ZNF662: variants seen among roughly 807,000 people sequenced by gnomAD.
ZNF662 encodes the protein zinc finger protein 662.
ZNF662 carries 14 observed loss-of-function variants against 12.4 expected under a neutral mutation model. The ratio of observed to expected loss-of-function variants is 1.13; its 90% confidence interval spans 0.75 to 1.77. ZNF662 has a LOEUF of 1.77. ZNF662 is among the 40% of genes most tolerant of loss of function. The pLI is 0.00. For synonymous variants in ZNF662, 184 were observed against 176.4 expected (o/e 1.04, Z -0.34); for missense variants, 550 against 515.6 (o/e 1.07, Z -0.65).
rs1011269042 is a variant in ZNF662, at chr3:42,906,179, C to T, written c.-94+11C>T. ...GCTGGGGCCTGGCGGGTGTGGAGCA[C>T]GGGGAGTCGGGCGTGGGGCGGGCAG... is the stretch of plus-strand genomic sequence containing the variant. On this transcript the variant is annotated intron_variant, in intron 1 of 4. Transcript: ENST00000440367. The surrounding 1 kb of genome is among the most constrained non-coding windows in gnomAD (Gnocchi z 4.4). The T allele has an allele frequency of 2.4e-5, 14 of 584,470 alleles. No homozygotes were observed. In the African/African-American group the frequency reaches 2.8e-4, roughly 12 times the overall value. 36.2% of individuals were successfully genotyped at this position (584,470 alleles called of 1,614,324 possible).
At chr3:42,911,481 G>A (rs2088789170) in intron 3 of ZNF662, among the ~76,000 whole-genome samples, 1 of 152,050 alleles carries the variant, frequency 6.6e-6, no homozygotes, top group South Asian at 2.1e-4. Context: ...TTTGCTTTAG[G>A]TAGAAAACCA....
intron 3 of ZNF662, 100 bp from the exon 4 acceptor site, chr3:42,913,101 C>A: frequency 2.5e-6 from 2 of 789,088 alleles, no homozygotes; most frequent in Non-Finnish European, 4.3e-6. Context: ...ATCTTTTCAC[C>A]CACCTTTATT....
At position 42,906,448 on chromosome 3, in the gene ZNF662, GC is replaced by G; in HGVS notation, c.-94+281del. Reference sequence around the variant, plus strand: ...GCTGCCCCGGGCGCGCCGGGTGAGTGCGGGGCCGGAGCCTGGAAGCAGTCTT... The same window carrying G: ...GCTGCCCCGGGCGCGCCGGGTGAGTGGGGGCCGGAGCCTGGAAGCAGTCTT... On this transcript the variant is annotated intron_variant, in intron 1 of 4. Transcript: ENST00000440367. This position sits in a 1 kb window ranked among gnomAD's most constrained non-coding sequence, Gnocchi z 4.4. 1 of 1,441,318 alleles carries G rather than the reference GC, an allele frequency of 6.9e-7. No homozygotes were observed. Among genetic ancestry groups the G allele is most frequent in the Admixed American group, 2.7e-5 (1 of 37,608 alleles). The allele number at this position is 1,441,318 out of a possible 1,614,324, so 89.3% of individuals were successfully genotyped here.
In ZNF662 at chr3:42,917,164, C is replaced by G. The variant is rs1227577492; in HGVS notation, c.*1810C>G. Reference sequence around the variant, plus strand: ...TTTCCATCATCTCTTCCCCTTCTCTCTGGGAACAGTTACCCGGGTATTCTT... The same window carrying G: ...TTTCCATCATCTCTTCCCCTTCTCTGTGGGAACAGTTACCCGGGTATTCTT... On this transcript the variant is annotated 3_prime_UTR_variant, in exon 5 of 5. Transcript: ENST00000440367. 1.0e-5 allele frequency: 3 copies of G among 298,700 alleles called. No homozygotes were observed. Among genetic ancestry groups the G allele is most frequent in the Non-Finnish European group, 1.8e-5 (3 of 164,784 alleles). The allele number at this position is 298,700 out of a possible 1,614,324, so 18.5% of individuals were successfully genotyped here. A position where few individuals can be genotyped will look rare whatever the true frequency, so the allele number is the denominator to read the frequency against.
In ZNF662 at chr3:42,918,417, C is replaced by G. The variant is rs114734905; in HGVS notation, c.*3063C>G. ...GAGCTGAAGAGCCTAGTCTTCTCCC[C>G]CTGCATGAATTCCTGGTGGCTACAC... On this transcript the variant is annotated 3_prime_UTR_variant, in exon 5 of 5. Transcript: ENST00000440367. Among the ~76,000 whole-genome samples, 378 of 152,212 alleles carry G rather than the reference C, an allele frequency of 2.5e-3. No individual in the cohort carries two copies. The highest frequency in any genetic ancestry group is 4.7e-3 in the Non-Finnish European group (317 of 68,016).
At position 42,915,832 on chromosome 3, in the gene ZNF662, A is replaced by G. The variant is rs2088891522; in HGVS notation, c.*478A>G. On this transcript the variant is annotated 3_prime_UTR_variant, in exon 5 of 5. Transcript: ENST00000440367. ...TTTCCTGTGCTTTTAGTTTCCCTTC[A>G]TCACTCAGATCTAGCTCCTTCAACT... 6.5e-6 allele frequency: 1 copy of G among 154,690 alleles called. No individual in the cohort carries two copies. 9.6% of individuals were successfully genotyped at this position (154,690 alleles called of 1,614,324 possible).
rs1379976327 is a variant in ZNF662 at position 42,919,311 on chromosome 3, T to G, written c.*3957T>G. ...TAAATCATGATAGGACTGAGTTGTT[T>G]GCAAAATAAACTTTAGTCTTGTATT... On this transcript the variant is annotated 3_prime_UTR_variant, in exon 5 of 5. Transcript: ENST00000440367. Among the ~76,000 whole-genome samples, 1 of 152,250 alleles carries G rather than the reference T, an allele frequency of 6.6e-6. No homozygotes were observed. The highest frequency in any genetic ancestry group is 1.5e-5 in the Non-Finnish European group (1 of 68,042).
chr3:42,912,463 AT>A (rs1484206586), intron 3 of ZNF662, among the ~76,000 whole-genome samples: 5 of 81,802 alleles, frequency 6.1e-5, no homozygotes, highest in East Asian at 4.1e-4. Flanking sequence ...ATTATATGTT[AT>A]AATATATATT....
chr3:42,907,918 A>C (rs1358094765), intron 1 of ZNF662, 104 bp from the exon 2 acceptor site: 19 of 1,465,666 alleles, frequency 1.3e-5, no homozygotes, highest in Non-Finnish European at 1.7e-5. Flanking sequence ...CAGAATCCAG[A>C]ATCCCCACAG....
chr3:42,908,380 T>C, intron 2 of ZNF662: 1 of 1,330,526 alleles, frequency 7.5e-7, no homozygotes, highest in East Asian at 2.7e-5. Context: ...CCCCTACCCT[T>C]GTGTTGTGGG....
In ZNF662 at chr3:42,906,143, G is replaced by A. The variant is rs1435400696; in HGVS notation, c.-119G>A. ...AGCAACCGGAGCGGCCCGAGCCCCG[G>A]CCTCCCGGATGCTGGGGCCTGGCGG... On this transcript the variant is annotated 5_prime_UTR_variant, in exon 1 of 5. Transcript: ENST00000440367. This position sits in a 1 kb window ranked among gnomAD's most constrained non-coding sequence, Gnocchi z 4.4. The A allele has an allele frequency of 9.6e-6, 5 of 521,052 alleles. No individual in the cohort carries two copies. The highest frequency in any genetic ancestry group is 1.7e-5 in the Non-Finnish European group (5 of 300,470). 32.3% of individuals were successfully genotyped at this position (521,052 alleles called of 1,614,324 possible).
chr3:42,914,743 G>A lies in ZNF662; in HGVS notation c.670G>A (p.Glu224Lys), dbSNP rs754803883. 22 of 1,614,090 alleles carry A rather than the reference G, an allele frequency of 1.4e-5. No individual in the cohort carries two copies. Among genetic ancestry groups the A allele is most frequent in the Non-Finnish European group, 1.7e-5 (20 of 1,180,040 alleles). ...HNGEKVYGCK[E>K]CGKAFSFRSH... ...TGGAGAGAAGGTCTATGGATGTAAGGAATGTGGGAAGGCTTTCAGTTTTCG... is the reference window on the plus strand; with the variant it reads ...TGGAGAGAAGGTCTATGGATGTAAGAAATGTGGGAAGGCTTTCAGTTTTCG... The change falls in exon 5 of 5, where the codon GAA becomes AAA. Residue 224 changes from glutamate (E) to lysine (K), a missense_variant. By Grantham distance (56) the Glu-to-Lys change is moderately conservative. Transcript: ENST00000440367.
rs538309371 is a variant in ZNF662, at chr3:42,917,936, G to T, written c.*2582G>T. 2.6e-5 allele frequency among the ~76,000 whole-genome samples: 4 copies of T among 152,256 alleles called. No homozygotes were observed. Among genetic ancestry groups the T allele is most frequent in the Middle Eastern group, 3.4e-3 (1 of 294 alleles). ...AGCCTGACCAACATAGAGAGACCCC[G>T]TCTCTACTAAAAATACAAAATTAGC... On this transcript the variant is annotated 3_prime_UTR_variant, in exon 5 of 5. Coordinates refer to ENST00000440367, the MANE Select transcript of ZNF662 (RefSeq NM_207404.4).
At chr3:42,910,612 C>T (rs1177957492) in intron 3 of ZNF662, among the ~76,000 whole-genome samples, 2 of 152,170 alleles carry the variant, frequency 1.3e-5, no homozygotes, top group Non-Finnish European at 2.9e-5. Flanking sequence ...CAAGAACTCT[C>T]AACCCTCAGC....
At position 42,908,101 on chromosome 3, in the gene ZNF662, T is replaced by C. The variant is rs749250139; in HGVS notation, c.-14T>C. The C allele has an allele frequency of 1.2e-6, 2 of 1,614,160 alleles. No homozygotes were observed. Among genetic ancestry groups the C allele is most frequent in the South Asian group, 2.2e-5 (2 of 91,076 alleles). ...GGCCTGGGCCCTGCTCAGAGAGCCCTGTACAGGGATGTGATGCTGGAGAAT... is the reference window on the plus strand; with the variant it reads ...GGCCTGGGCCCTGCTCAGAGAGCCCCGTACAGGGATGTGATGCTGGAGAAT... On this transcript the variant is annotated 5_prime_UTR_variant, in exon 2 of 5. Coordinates refer to ENST00000440367, the MANE Select transcript of ZNF662 (RefSeq NM_207404.4).
chr3:42,912,671 T>TTTTATATATAAATATATATATATTTTTA (rs2088832002), intron 3 of ZNF662, among the ~76,000 whole-genome samples: 1 of 46,078 alleles, frequency 2.2e-5, no homozygotes, highest in South Asian at 8.7e-4. Flanking sequence ...TATATATTTT[T>TTTTATATATAAATATATATATATTTTTA]TATATATATA....
intron 4 of ZNF662, 81 bp downstream of exon 4, chr3:42,913,383 TG>T: frequency 8.3e-7 from 1 of 1,205,688 alleles, no homozygotes; most frequent in South Asian, 1.3e-5. Flanking sequence ...AAGTCCATTT[TG>T]CCATTCATGT....
At chr3:42,908,992 T>A in intron 3 of ZNF662, 83 bp downstream of exon 3, 1 of 927,652 alleles carries the variant, frequency 1.1e-6, no homozygotes, top group Non-Finnish European at 1.6e-6. Flanking sequence ...GTTTTTTTAA[T>A]CTAGTGTTGT....
Position 42,906,162 on chromosome 3 carries a change from C to G in ZNF662, c.-100C>G. 1 of 549,202 alleles carries G rather than the reference C, an allele frequency of 1.8e-6. No individual in the cohort carries two copies. Among genetic ancestry groups the G allele is most frequent in the Non-Finnish European group, 3.1e-6 (1 of 322,650 alleles). The allele number at this position is 549,202 out of a possible 1,614,324, so 34.0% of individuals were successfully genotyped here. ...GCCCCGGCCTCCCGGATGCTGGGGC[C>G]TGGCGGGTGTGGAGCACGGGGAGTC... On this transcript the variant is annotated 5_prime_UTR_variant, in exon 1 of 5. Coordinates refer to ENST00000440367, the MANE Select transcript of ZNF662 (RefSeq NM_207404.4). The surrounding 1 kb of genome is among the most constrained non-coding windows in gnomAD (Gnocchi z 4.4).
Sources: allele counts gnomAD v4.1 joint callset (sites outside exome capture counted in the v4.1 genomes callset), GRCh38; gene constraint gnomAD v4.1.1; non-coding constraint Gnocchi (gnomAD v3.1); transcripts MANE v1.5; gene names NCBI Gene and HGNC (gene_info 2026-07-23, HGNC 2026-07-21).